The following GABRB1 variants were observed in gnomAD, a reference collection of about 807,000 sequenced individuals.
GABRB1 encodes gamma-aminobutyric acid receptor subunit beta-1.
A neutral mutation model predicts 51.6 loss-of-function variants in GABRB1; 17 were observed. The observed-to-expected ratio is 0.33, with a 90% CI of 0.23 to 0.49. The LOEUF (loss-of-function observed/expected upper bound fraction) is 0.49, where lower values mean the gene tolerates loss of function less well. GABRB1 is among the 20% of genes least tolerant of loss of function. The probability of loss-of-function intolerance (pLI) is 0.99; values close to 1 mark genes in which losing one functional copy is unlikely to be tolerated. For missense variants in GABRB1, 410 were observed against 600.6 expected (o/e 0.68, Z 3.32); for synonymous variants, 247 against 218.9 (o/e 1.13, Z -1.14).
intron 5 of GABRB1, among the ~76,000 whole-genome samples, chr4:47,388,232 T>C (rs1384142816): frequency 6.6e-6 from 1 of 152,242 alleles, no homozygotes; most frequent in Non-Finnish European, 1.5e-5. Context: ...TGAATACATT[T>C]TAATGTATTT....
Position 47,159,116 on chromosome 4 carries a change from A to C in GABRB1, c.241-2133A>C, listed in dbSNP as rs563521804. 5.4e-3 allele frequency among the ~76,000 whole-genome samples: 416 copies of C among 76,842 alleles called. 3 individuals are homozygous for C. Among genetic ancestry groups the C allele is most frequent in the African/African-American group, 0.013 (373 of 27,806 alleles). 50.4% of individuals were successfully genotyped at this position (76,842 alleles called of 152,430 possible). Reference sequence around the variant, plus strand: ...ACAGAGAAAGACCCGGTCTCAAAAAAAGAAAAAGAAAAAAAAAATAGCCAG... The same window carrying C: ...ACAGAGAAAGACCCGGTCTCAAAAACAGAAAAAGAAAAAAAAAATAGCCAG... On this transcript the variant is annotated intron_variant, in intron 3 of 8. Coordinates refer to ENST00000295454, the MANE Select transcript of GABRB1 (RefSeq NM_000812.4).
Position 47,310,934 on chromosome 4 carries a change from T to C in GABRB1, c.462-9193T>C, listed in dbSNP as rs1234647417. ...ATCCCAACACTTTGGGAGGCTGAGG[T>C]GGGCGGATCACTTGAGACCAGGAGG... On this transcript the variant is annotated intron_variant, in intron 4 of 8. Coordinates refer to ENST00000295454, the MANE Select transcript of GABRB1 (RefSeq NM_000812.4). Among the ~76,000 whole-genome samples, 17 of 147,224 alleles carry C rather than the reference T, an allele frequency of 1.2e-4. No homozygotes were observed. The Middle Eastern group carries it at 0.011, about 96-fold the overall frequency.
At chr4:47,422,400 C>T (rs1729117495) in intron 8 of GABRB1, among the ~76,000 whole-genome samples, 1 of 152,156 alleles carries the variant, frequency 6.6e-6, no homozygotes, top group Non-Finnish European at 1.5e-5. Context: ...TCCATACAAA[C>T]TCCCTTCTCC....
At chr4:47,226,122 G>GA (rs1172105763) in intron 4 of GABRB1, among the ~76,000 whole-genome samples, 1 of 152,092 alleles carries the variant, frequency 6.6e-6, no homozygotes, top group Non-Finnish European at 1.5e-5. Context: ...AGCAAAGCCA[G>GA]AAAAATCTCT....
chr4:47,166,346 C>T (rs1245834413), intron 4 of GABRB1, among the ~76,000 whole-genome samples: 1 of 151,970 alleles, frequency 6.6e-6, no homozygotes, highest in Non-Finnish European at 1.5e-5. Flanking sequence ...ACTTCTGCCA[C>T]CCCTGAGACA....
intron 5 of GABRB1, among the ~76,000 whole-genome samples, chr4:47,329,371 G>T (rs1246037180): frequency 6.7e-6 from 1 of 149,644 alleles, no homozygotes; most frequent in Non-Finnish European, 1.5e-5. Flanking sequence ...ATTTTATACA[G>T]AATAAAATAT....
intron 1 of GABRB1, among the ~76,000 whole-genome samples, chr4:46,996,623 G>A (rs2109422946): frequency 6.6e-6 from 1 of 152,212 alleles, no homozygotes; most frequent in African/African-American, 2.4e-5. Flanking sequence ...TCAAATATTA[G>A]AACATTTGAC....
chr4:47,406,489 T>G (rs886999356), intron 7 of GABRB1, among the ~76,000 whole-genome samples, 193 bp from the exon 8 acceptor site: 10 of 152,224 alleles, frequency 6.6e-5, no homozygotes, highest in Non-Finnish European at 1.3e-4. Context: ...TTATGATTCA[T>G]TAATGGACTA....
rs561823344 is a variant in GABRB1 at position 47,322,248 on chromosome 4, T to C, written c.544+2039T>C. Among the ~76,000 whole-genome samples the C allele has an allele frequency of 2.0e-5, 3 of 152,298 alleles. No homozygotes were observed. The East Asian group carries it at 5.8e-4, about 29-fold the overall frequency. On this transcript the variant is annotated intron_variant, in intron 5 of 8. Transcript: ENST00000295454. ...AGGCAGTTTAGCAAGATGCAACTAG[T>C]TGTCTAGACATATAGATGAACACAG...
At chr4:47,173,812 C>CTGCTG (rs1196488571) in intron 4 of GABRB1, among the ~76,000 whole-genome samples, 3 of 152,184 alleles carry the variant, frequency 2.0e-5, no homozygotes, top group Admixed American at 2.0e-4. Context: ...TTTCATCACA[C>CTGCTG]TGCTGCCCTG....
chr4:47,000,297 G>T (rs1258537085), intron 1 of GABRB1, among the ~76,000 whole-genome samples: 2 of 152,128 alleles, frequency 1.3e-5, no homozygotes, highest in African/African-American at 2.4e-5. Context: ...GCAGAAAGAG[G>T]AATGAAATAA....
At chr4:47,101,657 T>A (rs1200671068) in intron 3 of GABRB1, among the ~76,000 whole-genome samples, 8 of 152,058 alleles carry the variant, frequency 5.3e-5, no homozygotes, top group Non-Finnish European at 1.5e-5. Flanking sequence ...TGATGCTTAC[T>A]AACTATTGTT....
At chr4:47,119,434 ACCT>A (rs917338307) in intron 3 of GABRB1, among the ~76,000 whole-genome samples, 1 of 151,882 alleles carries the variant, frequency 6.6e-6, no homozygotes, top group East Asian at 1.9e-4. Context: ...TTAAAATAAA[ACCT>A]CCTTCAACCT....
At position 47,279,842 on chromosome 4, in the gene GABRB1, T is replaced by G. The variant is rs73133926; in HGVS notation, c.462-40285T>G. On this transcript the variant is annotated intron_variant, in intron 4 of 8. Coordinates refer to ENST00000295454, the MANE Select transcript of GABRB1 (RefSeq NM_000812.4). ...AGTTTCCTGAATGCTGAATATAGTT[T>G]GGTCTTTTTTTTTTTTTAAATTCAT... 7.7e-3 allele frequency among the ~76,000 whole-genome samples: 1,178 copies of G among 152,050 alleles called. 14 individuals carry two copies. The highest frequency in any genetic ancestry group is 0.027 in the African/African-American group (1,114 of 41,536).
chr4:47,093,166 T>A (rs540406202), intron 3 of GABRB1, among the ~76,000 whole-genome samples: 317 of 152,296 alleles, frequency 2.1e-3, no homozygotes, highest in Middle Eastern at 0.01. Context: ...AATACTTTCT[T>A]TTTCCTAGTG....
At chr4:47,032,757 T>C (rs1322508858) in intron 3 of GABRB1, 1 of 665,264 alleles carries the variant, frequency 1.5e-6, no homozygotes, top group Non-Finnish European at 2.8e-6. Context: ...TGGGGCGGAG[T>C]CTGAGCGTTA....
At position 47,019,584 on chromosome 4, in the gene GABRB1, T is replaced by C. The variant is rs561458022; in HGVS notation, c.-19-12330T>C. On this transcript the variant is annotated intron_variant, in intron 1 of 3. Coordinates refer to the GABRB1 transcript ENST00000513567. ...CTCTCTCTCTCTCTCTCTCCCTCCT[T>C]CCTCCCTCCCTCCCTTCCTCCCTTC... 5.3e-4 allele frequency among the ~76,000 whole-genome samples: 69 copies of C among 131,410 alleles called. 1 individual carries two copies. Among genetic ancestry groups the C allele is most frequent in the South Asian group, 7.9e-4 (3 of 3,808 alleles). The allele number at this position is 131,410 out of a possible 152,430, so 86.2% of individuals were successfully genotyped here.
intron 1 of GABRB1, among the ~76,000 whole-genome samples, chr4:47,022,510 T>C (rs968827954): frequency 1.3e-4 from 20 of 152,110 alleles, no homozygotes; most frequent in African/African-American, 4.1e-4. Context: ...TCTTTATCCA[T>C]GATGTTCCAA....
At chr4:47,151,286 C>T (rs1303131265) in intron 3 of GABRB1, among the ~76,000 whole-genome samples, 1 of 151,928 alleles carries the variant, frequency 6.6e-6, no homozygotes, top group African/African-American at 2.4e-5. Flanking sequence ...ACCTCTTTCT[C>T]CTCCAACAAA....
Sources: gnomAD v4.1 joint callset for allele counts (sites outside exome capture counted in the v4.1 genomes callset) on GRCh38, gnomAD v4.1.1 for gene constraint, MANE v1.5 for transcripts, NCBI Gene and HGNC (gene_info 2026-07-23, HGNC 2026-07-21) for gene names.